The following KANK2 variants were observed in gnomAD, a reference collection of about 807,000 sequenced individuals.
KANK2 encodes the protein KN motif and ankyrin repeat domains 2, also known as KN motif and ankyrin repeat domain-containing protein 2.
KANK2 carries 41 observed loss-of-function variants against 74.6 expected under a neutral mutation model. That is an observed-to-expected ratio of 0.55 (90% CI 0.43 to 0.71). The LOEUF (loss-of-function observed/expected upper bound fraction) is 0.71. Ranked by LOEUF, KANK2 falls within the 30% of genes least tolerant of loss-of-function variation. KANK2 has a pLI of 0.00. For missense variants in KANK2, 1,148 were observed against 1,196.4 expected (o/e 0.96, Z 0.60); for synonymous variants, 537 against 519.0 (o/e 1.03, Z -0.47).
intron 4 of KANK2, among the ~76,000 whole-genome samples, chr19:11,182,757 C>T (rs1442183033): frequency 2.8e-5 from 4 of 143,538 alleles, no homozygotes; most frequent in South Asian, 4.6e-4. Context: ...GCAGGAGAAT[C>T]GCTTGAACCC....
At chr19:11,178,474 G>GT in intron 5 of KANK2, 27 bp from the exon 6 acceptor site, 1 of 1,602,052 alleles carries the variant, frequency 6.2e-7, no homozygotes, top group South Asian at 1.1e-5. Context: ...CGGAGGTGCT[G>GT]TGAGAGTCCT....
chr19:11,172,401 G>A (rs535007557), intron 10 of KANK2, among the ~76,000 whole-genome samples: 3 of 152,296 alleles, frequency 2.0e-5, no homozygotes, highest in Non-Finnish European at 4.4e-5. Context: ...TTCCTTTGCT[G>A]TCTTCAGACT....
In KANK2 at chr19:11,193,611, C is replaced by T. The variant is rs1400007757; in HGVS notation, c.469G>A (p.Ala157Thr). 2 of 1,585,100 alleles carry T rather than the reference C, an allele frequency of 1.3e-6. No homozygotes were observed. The highest frequency in any genetic ancestry group is 1.1e-5 in the South Asian group (1 of 88,294). Residue 157 changes from alanine (A) to threonine (T), a missense_variant, in exon 4 of 13, where the codon GCC (alanine) becomes ACC (threonine). Ala to Thr is a moderately conservative substitution (Grantham distance 58). Transcript: ENST00000586659. This position sits in a 1 kb window ranked among gnomAD's most constrained non-coding sequence, Gnocchi z 9.6. ...SLTPSAAGST[A>T]SLVGVGLPPP... ...GGCAACCCCACGCCCACCAGGGAGG[C>T]TGTCGAGCCGGCCGCACTGGGGGTC...
chr19:11,170,510 A>G lies in KANK2; in HGVS notation c.2212-262T>C. On this transcript the variant is annotated intron_variant, in intron 10 of 12. Transcript: ENST00000586659. The surrounding 1 kb of genome is among the most constrained non-coding windows in gnomAD (Gnocchi z 5.2). ...TGGATACAGGTTTCCTTTGGGGGTG[A>G]AGAGAACGTTCTGGAACTAGACGGA... The G allele has an allele frequency of 1.8e-6, 1 of 550,002 alleles. No homozygotes were observed. The highest frequency in any genetic ancestry group is 3.3e-6 in the Non-Finnish European group (1 of 305,818). 34.1% of individuals were successfully genotyped at this position (550,002 alleles called of 1,614,324 possible). A position where few individuals can be genotyped will look rare whatever the true frequency, so the allele number is the denominator to read the frequency against.
intron 2 of KANK2, 170 bp from the exon 3 acceptor site, chr19:11,194,760 C>T: frequency 2.2e-6 from 1 of 453,244 alleles, no homozygotes. Flanking sequence ...CGACCCCCTC[C>T]CCCCCGCAGG....
At chr19:11,175,026 GGA>G (rs1478744177) in intron 8 of KANK2, among the ~76,000 whole-genome samples, 1 of 150,706 alleles carries the variant, frequency 6.6e-6, no homozygotes, top group African/African-American at 2.4e-5. Flanking sequence ...TACATGATCA[GGA>G]CTCACTGCAG....
chr19:11,184,929 C>T (rs2078633631), intron 4 of KANK2, among the ~76,000 whole-genome samples: 1 of 148,140 alleles, frequency 6.8e-6, no homozygotes, highest in Admixed American at 6.8e-5. Context: ...TCTCCTGCCT[C>T]AGCCTCCCGA....
Position 11,170,137 on chromosome 19 carries a change from C to T in KANK2, c.2323G>A (p.Ala775Thr). The change falls in exon 11 of 13, where the codon GCC (alanine) becomes ACC (threonine). Residue 775 changes from alanine to threonine, a missense_variant. Ala to Thr is a moderately conservative substitution (Grantham distance 58). Transcript: ENST00000586659. The surrounding 1 kb of genome is among the most constrained non-coding windows in gnomAD (Gnocchi z 5.2). ...VNVQDDDGST[A>T]LMCACEHGHK... ...CCGTGCTCACAGGCGCACATGAGGG[C>T]CGTGGAGCCGTCATCATCTTGCACG... 1 of 1,612,770 alleles carries T rather than the reference C, an allele frequency of 6.2e-7. No homozygotes were observed. Among genetic ancestry groups the T allele is most frequent in the Middle Eastern group, 1.6e-4 (1 of 6,062 alleles).
chr19:11,189,355 G>A (rs371630535), intron 4 of KANK2, among the ~76,000 whole-genome samples: 98 of 152,050 alleles, frequency 6.4e-4, no homozygotes, highest in African/African-American at 2.2e-3. Context: ...AGATTTCATC[G>A]CTTGCTCAAA....
intron 4 of KANK2, among the ~76,000 whole-genome samples, chr19:11,190,680 G>A (rs1484790391): frequency 6.6e-6 from 1 of 152,152 alleles, no homozygotes; most frequent in African/African-American, 2.4e-5. Flanking sequence ...CACACAGCAT[G>A]AGTTTGAACG....
chr19:11,178,463 G>T lies in KANK2; in HGVS notation c.1418-16C>A, dbSNP rs552830567. The T allele has an allele frequency of 6.2e-7, 1 of 1,601,520 alleles. No individual in the cohort carries two copies. The highest frequency in any genetic ancestry group is 1.1e-5 in the South Asian group (1 of 89,356). On this transcript the variant is annotated splice_polypyrimidine_tract_variant and intron_variant, in intron 5 of 12. Transcript: ENST00000586659. Reference sequence around the variant, plus strand: ...GGGGGCCCGCCTGGAGGGGAGGACAGCGGAGGTGCTGTGAGAGTCCTTCAG... The same window carrying T: ...GGGGGCCCGCCTGGAGGGGAGGACATCGGAGGTGCTGTGAGAGTCCTTCAG...
At chr19:11,183,762 T>C (rs1214228416) in intron 4 of KANK2, among the ~76,000 whole-genome samples, 1 of 151,564 alleles carries the variant, frequency 6.6e-6, no homozygotes, top group South Asian at 2.1e-4. Context: ...GTGATTCTCC[T>C]GCCTCAGCCT....
rs1443094888 is a variant in KANK2, at chr19:11,174,423, G to A, written c.2068+50C>T. 6 of 1,451,192 alleles carry A rather than the reference G, an allele frequency of 4.1e-6. No homozygotes were observed. In the African/African-American group the frequency reaches 5.6e-5, roughly 14 times the overall value. 89.9% of individuals were successfully genotyped at this position (1,451,192 alleles called of 1,614,324 possible). A position where few individuals can be genotyped will look rare whatever the true frequency, so the allele number is the denominator to read the frequency against. On this transcript the variant is annotated intron_variant, in intron 9 of 12. Coordinates refer to ENST00000586659, the MANE Select transcript of KANK2 (RefSeq NM_001136191.3). ...TGTCTTCCCTATCAGACTGGGCATG[G>A]CGGACAGCTGGCTGGTTTAGAGCCG...
intron 4 of KANK2, among the ~76,000 whole-genome samples, chr19:11,182,246 A>G (rs530810135): frequency 1.8e-4 from 27 of 152,038 alleles, no homozygotes; most frequent in African/African-American, 6.3e-4. Flanking sequence ...TATCTATGTT[A>G]CCACAATATT....
At chr19:11,174,770 C>T (rs1322760636) in intron 8 of KANK2, 78 bp from the exon 9 acceptor site, 19 of 1,152,474 alleles carry the variant, frequency 1.6e-5, no homozygotes, top group Admixed American at 2.0e-5. Flanking sequence ...GATGCGCCCC[C>T]GGAGCAAAGC....
intron 4 of KANK2, among the ~76,000 whole-genome samples, chr19:11,190,024 T>G (rs962679254): frequency 6.6e-6 from 1 of 152,194 alleles, no homozygotes; most frequent in Non-Finnish European, 1.5e-5. Flanking sequence ...TGCCCTCCAG[T>G]CTGTTGGTAG....
At position 11,174,839 on chromosome 19, in the gene KANK2, G is replaced by C. The variant is rs1600810028; in HGVS notation, c.1849-147C>G. On this transcript the variant is annotated intron_variant, in intron 8 of 12. Coordinates refer to ENST00000586659, the MANE Select transcript of KANK2 (RefSeq NM_001136191.3). ...GAAGTGCAGACCCTCCCAAAGGGAAGTGTAGACATCTCTGTCCCAATAAGA... is the reference window on the plus strand; with the variant it reads ...GAAGTGCAGACCCTCCCAAAGGGAACTGTAGACATCTCTGTCCCAATAAGA... The C allele has an allele frequency of 9.1e-6, 6 of 658,698 alleles. No individual in the cohort carries two copies. The East Asian group carries it at 1.6e-4, about 18-fold the overall frequency. The allele number at this position is 658,698 out of a possible 1,614,324, so 40.8% of individuals were successfully genotyped here.
intron 4 of KANK2, among the ~76,000 whole-genome samples, chr19:11,191,693 C>T (rs1183449578): frequency 2.0e-5 from 3 of 152,220 alleles, no homozygotes; most frequent in Non-Finnish European, 4.4e-5. Flanking sequence ...GTCACTTTCC[C>T]TTGCCTGCCT....
intron 9 of KANK2, among the ~76,000 whole-genome samples, chr19:11,173,503 G>A (rs558735032): frequency 1.3e-5 from 2 of 152,248 alleles, no homozygotes; most frequent in African/African-American, 4.8e-5. Context: ...AGAGGGAAGG[G>A]CAAGTTTCTT....
Sources: allele counts gnomAD v4.1 joint callset (sites outside exome capture counted in the v4.1 genomes callset), GRCh38; gene constraint gnomAD v4.1.1; non-coding constraint Gnocchi (gnomAD v3.1); transcripts MANE v1.5; gene names NCBI Gene and HGNC (gene_info 2026-07-23, HGNC 2026-07-21).